Variants in GNAL observed in about 807,000 individuals in gnomAD.
The protein encoded by GNAL is G protein subunit alpha L, also known as guanine nucleotide-binding protein G(olf) subunit alpha.
In GNAL, 18 loss-of-function variants were observed where a neutral mutation model predicts 55.1. The ratio of observed to expected loss-of-function variants is 0.33; its 90% CI spans 0.23 to 0.48. The LOEUF is 0.48. GNAL is among the 20% of genes least tolerant of loss of function. The probability of loss-of-function intolerance (pLI) is 0.99; values close to 1 mark genes in which losing one functional copy is unlikely to be tolerated. For missense variants in GNAL, 412 were observed against 614.1 expected, an observed-to-expected ratio of 0.67 and a Z score of 3.48; for synonymous variants, 253 against 237.0, an observed-to-expected ratio of 1.07 and a Z score of -0.62.
rs1056068565 is a variant in GNAL, at chr18:11,785,067, A to G, written c.624+31122A>G. Among the ~76,000 whole-genome samples the G allele has an allele frequency of 2.6e-4, 39 of 152,308 alleles. 1 individual carries two copies. Among genetic ancestry groups the G allele is most frequent in the Admixed American group, 2.5e-3 (39 of 15,300 alleles). On this transcript the variant is annotated intron_variant, in intron 4 of 11. Transcript: ENST00000334049. ...GCAAAGTCTGGAATTGCTGTGATTC[A>G]TACTTTTTCCCAGTCCCACGCTCAG...
At chr18:11,753,084 A>G (rs905007783) in intron 2 of GNAL, among the ~76,000 whole-genome samples, 159 bp downstream of exon 2, 9 of 152,160 alleles carry the variant, frequency 5.9e-5, no homozygotes, top group African/African-American at 1.2e-4. Context: ...TGGTATATTT[A>G]GGCAAATCCT....
At chr18:11,743,314 CAAA>C (rs527239039) in intron 1 of GNAL, among the ~76,000 whole-genome samples, 1 of 116,380 alleles carries the variant, frequency 8.6e-6, no homozygotes. Context: ...CTCACTAATA[CAAA>C]AAAAAAAAAA....
At position 11,864,518 on chromosome 18, in the gene GNAL, T is replaced by A. The variant is rs769694549; in HGVS notation, c.778-15T>A. ...AGTAATGTAACTCAGCTTGTTTCCC[T>A]CTTCTTGTTCCCAGGACCTCCTCAG... is the stretch of plus-strand genomic sequence containing the variant. On this transcript the variant is annotated splice_polypyrimidine_tract_variant and intron_variant, in intron 6 of 11. Coordinates refer to ENST00000334049, the MANE Select transcript of GNAL (RefSeq NM_182978.4). The A allele has an allele frequency of 7.0e-7, 1 of 1,426,136 alleles. No individual in the cohort carries two copies. The highest frequency in any genetic ancestry group is 9.9e-7 in the Non-Finnish European group (1 of 1,008,338). The allele number at this position is 1,426,136 out of a possible 1,614,324, so 88.3% of individuals were successfully genotyped here. A position where few individuals can be genotyped will look rare whatever the true frequency, so the allele number is the denominator to read the frequency against.
At chr18:11,796,049 G>A (rs547763676) in intron 4 of GNAL, among the ~76,000 whole-genome samples, 101 of 152,208 alleles carry the variant, frequency 6.6e-4, no homozygotes, top group African/African-American at 2.1e-3. Context: ...GTATTCGCCC[G>A]GAAGGAGAAT....
intron 4 of GNAL, among the ~76,000 whole-genome samples, chr18:11,822,699 G>T (rs1211552718): frequency 6.6e-6 from 1 of 152,178 alleles, no homozygotes; most frequent in Non-Finnish European, 1.5e-5. Flanking sequence ...GGTCAGCACC[G>T]TGTGGGCTCA....
chr18:11,741,889 A>G (rs887223508), intron 1 of GNAL, among the ~76,000 whole-genome samples: 5 of 152,210 alleles, frequency 3.3e-5, no homozygotes. Context: ...AAAATGTACC[A>G]TTTAAATCAT....
chr18:11,753,999 A>G, intron 4 of GNAL, 54 bp downstream of exon 4: 3 of 1,358,974 alleles, frequency 2.2e-6, no homozygotes, highest in Non-Finnish European at 3.1e-6. Flanking sequence ...ACCATTTTTA[A>G]TAAGGTTTCT....
chr18:11,724,920 G>T (rs1280788783), intron 1 of GNAL, among the ~76,000 whole-genome samples: 1 of 152,156 alleles, frequency 6.6e-6, no homozygotes, highest in East Asian at 1.9e-4. Flanking sequence ...CAGTTTGCTT[G>T]TCGGGGCCTG....
At chr18:11,790,428 T>A (rs1222825624) in intron 4 of GNAL, among the ~76,000 whole-genome samples, 1 of 152,188 alleles carries the variant, frequency 6.6e-6, no homozygotes, top group Non-Finnish European at 1.5e-5. Flanking sequence ...TTGTTTACAA[T>A]AATGTAACAT....
At chr18:11,728,833 T>C (rs2032272578) in intron 1 of GNAL, among the ~76,000 whole-genome samples, 1 of 152,154 alleles carries the variant, frequency 6.6e-6, no homozygotes, top group South Asian at 2.1e-4. Flanking sequence ...GTAATACAAA[T>C]CAATATTGCA....
intron 6 of GNAL, among the ~76,000 whole-genome samples, chr18:11,862,923 G>C (rs1281722597): frequency 2.0e-5 from 3 of 147,018 alleles, no homozygotes; most frequent in Non-Finnish European, 4.4e-5. Flanking sequence ...CTGTCGCCCA[G>C]ACTGGAGTGC....
chr18:11,872,137 A>G (rs1329796539), intron 9 of GNAL, 131 bp from the exon 10 acceptor site: 1 of 627,934 alleles, frequency 1.6e-6, no homozygotes, highest in South Asian at 2.0e-5. Flanking sequence ...ATACTGGTGT[A>G]CTGAACTTTC....
chr18:11,730,833 C>T (rs1000788828), intron 1 of GNAL, among the ~76,000 whole-genome samples: 8 of 152,052 alleles, frequency 5.3e-5, no homozygotes, highest in African/African-American at 1.4e-4. Flanking sequence ...TTAAGGGGGT[C>T]GGCTATCTGT....
At chr18:11,725,335 C>T (rs2032188443) in intron 1 of GNAL, among the ~76,000 whole-genome samples, 1 of 151,938 alleles carries the variant, frequency 6.6e-6, no homozygotes, top group Non-Finnish European at 1.5e-5. Flanking sequence ...ATGTGAAGAC[C>T]CAGGGAGAGG....
intron 1 of GNAL, among the ~76,000 whole-genome samples, chr18:11,743,488 C>T (rs975024562): frequency 6.7e-6 from 1 of 149,176 alleles, no homozygotes; most frequent in African/African-American, 2.6e-5. Flanking sequence ...TAGAACCGTC[C>T]TCTAAGTGCT....
intron 4 of GNAL, 143 bp from the exon 5 acceptor site, chr18:11,824,775 G>T: frequency 1.7e-6 from 1 of 571,722 alleles, no homozygotes; most frequent in Non-Finnish European, 3.1e-6. Context: ...CATAGAGTCG[G>T]TGCATTTTAC....
Position 11,697,883 on chromosome 18 carries a change from A to T in GNAL, c.376+7944A>T, listed in dbSNP as rs140188788. Among the ~76,000 whole-genome samples the T allele has an allele frequency of 3.3e-5, 5 of 152,170 alleles. No individual in the cohort carries two copies. In the East Asian group the frequency reaches 9.6e-4, roughly 29 times the overall value. On this transcript the variant is annotated intron_variant, in intron 1 of 11. Transcript: ENST00000334049. ...GGCAGTGGCTGGAGAGCAGCTGGGC[A>T]TTTGCCTTGGGTCTCAGAGAGGCTG...
chr18:11,763,766 T>C (rs912420607), intron 4 of GNAL, among the ~76,000 whole-genome samples: 6 of 152,210 alleles, frequency 3.9e-5, no homozygotes, highest in African/African-American at 1.2e-4. Flanking sequence ...AATAATGATA[T>C]TGGTAACTCT....
In GNAL at chr18:11,847,398, CTT is replaced by C. The variant is rs767585830; in HGVS notation, c.723-14984_723-14983del. 3.7e-4 allele frequency among the ~76,000 whole-genome samples: 52 copies of C among 142,286 alleles called. No homozygotes were observed. The South Asian group carries it at 4.4e-3, about 12-fold the overall frequency. The allele number at this position is 142,286 out of a possible 152,430, so 93.3% of individuals were successfully genotyped here. On this transcript the variant is annotated intron_variant, in intron 5 of 11. Transcript: ENST00000334049. Reference sequence around the variant, plus strand: ...AGTTATTTTTCACATCTTTTATTTTCTTTTTTTTTTTTTTGAGTGACTTCAGA... The same window carrying C: ...AGTTATTTTTCACATCTTTTATTTTCTTTTTTTTTTTTGAGTGACTTCAGA...
Sources: gnomAD v4.1 joint callset for allele counts (sites outside exome capture counted in the v4.1 genomes callset) on GRCh38, gnomAD v4.1.1 for gene constraint, MANE v1.5 for transcripts, NCBI Gene and HGNC (gene_info 2026-07-23, HGNC 2026-07-21) for gene names.